The following SPHKAP variants were observed in gnomAD, a reference collection of about 807,000 sequenced individuals.
The protein encoded by SPHKAP is A-kinase anchor protein SPHKAP.
Under a neutral mutation model 137.5 loss-of-function variants are expected in SPHKAP, and 67 were observed. The observed-to-expected ratio is 0.49, with a 90% CI of 0.40 to 0.60. The LOEUF (loss-of-function observed/expected upper bound fraction) is 0.60, where lower values mean the gene tolerates loss of function less well. Ranked by LOEUF, SPHKAP falls within the 20% of genes least tolerant of loss-of-function variation. The pLI, the probability that SPHKAP is intolerant of heterozygous loss-of-function variation, is 0.00. For missense variants in SPHKAP, 2,097 were observed against 2,069.3 expected, an observed-to-expected ratio of 1.01 and a Z score of -0.26; for synonymous variants, 813 against 785.3, an observed-to-expected ratio of 1.04 and a Z score of -0.59.
rs1693008235 is a variant in SPHKAP at position 227,981,878 on chromosome 2, G to A, written c.4960-18C>T. 8.1e-6 allele frequency: 13 copies of A among 1,609,642 alleles called. No individual in the cohort carries two copies. The South Asian group carries it at 1.0e-4, about 12-fold the overall frequency. ...TCTAGAAACTAAAATAAAACGGAGA[G>A]TTAGGGCTCACAGAGCACAGAGGGT... On this transcript the variant is annotated intron_variant, in intron 11 of 11. Coordinates refer to ENST00000392056, the MANE Select transcript of SPHKAP (RefSeq NM_001142644.2).
intron 1 of SPHKAP, among the ~76,000 whole-genome samples, chr2:228,164,746 C>T (rs985247133): frequency 1.3e-5 from 2 of 152,190 alleles, no homozygotes; most frequent in Admixed American, 6.5e-5. Context: ...ACACCTAGAG[C>T]TCTTTAAACG....
intron 3 of SPHKAP, among the ~76,000 whole-genome samples, chr2:228,077,942 C>T (rs1218944653): frequency 1.3e-5 from 2 of 152,144 alleles, no homozygotes; most frequent in Non-Finnish European, 2.9e-5. Context: ...GTCTTTCCTG[C>T]ACTGTTCTCA....
chr2:228,147,084 T>C (rs879744606), intron 1 of SPHKAP, among the ~76,000 whole-genome samples: 14 of 152,204 alleles, frequency 9.2e-5, no homozygotes, highest in Non-Finnish European at 1.6e-4. Context: ...ATTTAGTTCT[T>C]GAGATGAAAA....
Position 228,032,606 on chromosome 2 carries a change from A to C in SPHKAP, c.247-5063T>G, listed in dbSNP as rs546204999. Among the ~76,000 whole-genome samples the C allele has an allele frequency of 6.6e-5, 10 of 152,322 alleles. No homozygotes were observed. The South Asian group carries it at 1.4e-3, about 22-fold the overall frequency. Reference sequence around the variant, plus strand: ...TCACCAAAGTTGAAATGAAGGAAAAAATGTTAAGGGCAGCCAGAGAGAAAG... The same window carrying C: ...TCACCAAAGTTGAAATGAAGGAAAACATGTTAAGGGCAGCCAGAGAGAAAG... On this transcript the variant is annotated intron_variant, in intron 3 of 11. Transcript: ENST00000392056.
Position 228,131,390 on chromosome 2 carries a change from G to C in SPHKAP, c.138+590C>G, listed in dbSNP as rs979749882. The C allele has an allele frequency of 1.3e-4, 97 of 773,310 alleles. No individual in the cohort carries two copies. In the African/African-American group the frequency reaches 1.8e-3, roughly 14 times the overall value. The allele number at this position is 773,310 out of a possible 1,614,324, so 47.9% of individuals were successfully genotyped here. ...TCGTGGACATTCTACTTCAAGTTTTGGGGCCTTAGATTTGATTGGCTGGGA... is the reference window on the plus strand; with the variant it reads ...TCGTGGACATTCTACTTCAAGTTTTCGGGCCTTAGATTTGATTGGCTGGGA... On this transcript the variant is annotated intron_variant, in intron 2 of 11. Coordinates refer to ENST00000392056, the MANE Select transcript of SPHKAP (RefSeq NM_001142644.2).
chr2:228,069,953 G>A (rs539990935), intron 3 of SPHKAP, among the ~76,000 whole-genome samples: 6 of 152,316 alleles, frequency 3.9e-5, no homozygotes, highest in African/African-American at 1.2e-4. Context: ...CTGTGTCCCA[G>A]CTGGGATCAG....
intron 3 of SPHKAP, among the ~76,000 whole-genome samples, chr2:228,073,318 C>T (rs780166198): frequency 1.3e-5 from 2 of 152,176 alleles, no homozygotes; most frequent in Non-Finnish European, 2.9e-5. Context: ...ATTCCAGATA[C>T]TTGATGAATA....
rs1426090566 is a variant in SPHKAP at position 228,121,449 on chromosome 2, G to A, written c.138+10531C>T. The stretch of plus-strand genomic sequence containing the variant: ...GAGGATCACTTGAGCCCAGGAGTTC[G>A]AGGCCACAGTGAGCCATGATCACGC... On this transcript the variant is annotated intron_variant, in intron 2 of 11. Coordinates refer to ENST00000392056, the MANE Select transcript of SPHKAP (RefSeq NM_001142644.2). Among the ~76,000 whole-genome samples the A allele has an allele frequency of 2.6e-5, 4 of 152,290 alleles. No homozygotes were observed. The South Asian group carries it at 6.2e-4, about 24-fold the overall frequency.
intron 2 of SPHKAP, among the ~76,000 whole-genome samples, chr2:228,121,985 G>A (rs1646371440): frequency 6.6e-6 from 1 of 151,900 alleles, no homozygotes; most frequent in Non-Finnish European, 1.5e-5. Flanking sequence ...TTTTCTTAGA[G>A]GAGGGACTGA....
Position 228,018,002 on chromosome 2 carries a change from T to C in SPHKAP, c.2852A>G (p.Asn951Ser). The change falls in exon 7 of 12, where the codon AAC becomes AGC. Residue 951 changes from asparagine to serine, a missense_variant. By Grantham distance (46) the Asn-to-Ser change is conservative. Transcript: ENST00000392056. ...AAACCAGGGTTGTTTTCCACTGGAG[T>C]TGTCAAGGCAAATCGCTGCAATTTC... Reference protein sequence around the residue: ...ATEIAAICLDNSSGKQPWFCA... With the variant: ...ATEIAAICLDSSSGKQPWFCA... The C allele has an allele frequency of 1.2e-6, 2 of 1,613,966 alleles. No homozygotes were observed. The highest frequency in any genetic ancestry group is 1.3e-5 in the African/African-American group (1 of 74,980).
intron 3 of SPHKAP, among the ~76,000 whole-genome samples, chr2:228,088,633 T>A (rs1697619104): frequency 6.6e-6 from 1 of 152,220 alleles, no homozygotes; most frequent in African/African-American, 2.4e-5. Context: ...AGGAGCCTTG[T>A]TGGAGGTGTT....
intron 1 of SPHKAP, among the ~76,000 whole-genome samples, chr2:228,139,389 A>G (rs1300559027): frequency 2.0e-5 from 3 of 152,200 alleles, no homozygotes; most frequent in Non-Finnish European, 4.4e-5. Context: ...AAGACAATCA[A>G]ATAGTAAACT....
intron 3 of SPHKAP, among the ~76,000 whole-genome samples, chr2:228,097,350 T>A (rs1348862414): frequency 6.6e-6 from 1 of 152,250 alleles, no homozygotes; most frequent in Admixed American, 6.5e-5. Flanking sequence ...TCTAATTATA[T>A]TTCTAGCGGC....
At chr2:228,158,088 T>A (rs1390888420) in intron 1 of SPHKAP, among the ~76,000 whole-genome samples, 1 of 152,132 alleles carries the variant, frequency 6.6e-6, no homozygotes, top group East Asian at 1.9e-4. Flanking sequence ...AACACACAGA[T>A]TCATTTCTTC....
intron 1 of SPHKAP, among the ~76,000 whole-genome samples, chr2:228,153,783 A>T (rs1395168432): frequency 6.6e-6 from 1 of 152,136 alleles, no homozygotes; most frequent in Non-Finnish European, 1.5e-5. Context: ...ATTTTGTCAT[A>T]TTTCTGGAAC....
intron 1 of SPHKAP, among the ~76,000 whole-genome samples, chr2:228,177,391 A>G (rs1700775010): frequency 6.6e-6 from 1 of 152,140 alleles, no homozygotes; most frequent in African/African-American, 2.4e-5. Flanking sequence ...GAATGTGCCC[A>G]CAGCTCAGTG....
At chr2:228,024,538 G>A (rs541091750) in intron 5 of SPHKAP, among the ~76,000 whole-genome samples, 10 of 152,076 alleles carry the variant, frequency 6.6e-5, no homozygotes, top group Admixed American at 5.2e-4. Flanking sequence ...AAGCCTCCTC[G>A]TTTATTAATT....
At chr2:228,037,310 C>A (rs1375039996) in intron 3 of SPHKAP, among the ~76,000 whole-genome samples, 3 of 152,108 alleles carry the variant, frequency 2.0e-5, no homozygotes, top group Non-Finnish European at 2.9e-5. Flanking sequence ...CAAAGAGGAC[C>A]CAATCTTGCA....
chr2:228,025,033 A>G (rs1217765605), intron 5 of SPHKAP, among the ~76,000 whole-genome samples: 1 of 152,172 alleles, frequency 6.6e-6, no homozygotes, highest in Non-Finnish European at 1.5e-5. Context: ...ATATTGTGGG[A>G]TTCTGAAATA....
Sources: allele counts gnomAD v4.1 joint callset (sites outside exome capture counted in the v4.1 genomes callset), GRCh38; gene constraint gnomAD v4.1.1; transcripts MANE v1.5; gene names NCBI Gene and HGNC (gene_info 2026-07-23, HGNC 2026-07-21).